Variants in GRIP2 observed in about 807,000 individuals in gnomAD.
GRIP2 encodes the protein glutamate receptor-interacting protein 2.
Under a neutral mutation model 108.3 loss-of-function variants are expected in GRIP2, and 58 were observed. That is an observed-to-expected ratio of 0.54 (90% CI 0.43 to 0.67). The LOEUF is 0.67. Among genes scored for constraint, GRIP2 ranks in the 30% least tolerant of loss-of-function variants. The pLI, the probability that GRIP2 is intolerant of heterozygous loss-of-function variation, is 0.00. For synonymous variants in GRIP2, 586 were observed against 598.2 expected (o/e 0.98, Z 0.30); for missense variants, 1,278 against 1,430.6 (o/e 0.89, Z 1.72).
At chr3:14,547,808 G>A (rs929598354) in intron 1 of GRIP2, among the ~76,000 whole-genome samples, 5 of 152,192 alleles carry the variant, frequency 3.3e-5, no homozygotes, top group Non-Finnish European at 7.3e-5. Context: ...CCAGGAAAAA[G>A]CAGCATTAAG....
chr3:14,541,531 A>G (rs1694970194), upstream of GRIP2, among the ~76,000 whole-genome samples: 1 of 152,192 alleles, frequency 6.6e-6, no homozygotes, highest in Non-Finnish European at 1.5e-5. Flanking sequence ...TTTAGCCACA[A>G]TTCCTGGGCC....
the GRIP2 span, chr3:14,573,641 A>T: frequency 6.7e-7 from 1 of 1,501,934 alleles, no homozygotes; most frequent in East Asian, 2.3e-5. Context: ...CTGTGATGAC[A>T]CAGTCCATGT....
At position 14,505,543 on chromosome 3, in the gene GRIP2, C is replaced by A; in HGVS notation, c.2573+72G>T. ...ACTCTCCATTCCCCCACCACTTTGG[C>A]ACAGGCACCCTCGCCCACCCCAGCC... On this transcript the variant is annotated intron_variant, in intron 20 of 23. Coordinates refer to ENST00000621039, the MANE Select transcript of GRIP2 (RefSeq NM_001080423.4). The surrounding 1 kb of genome is among the most constrained non-coding windows in gnomAD (Gnocchi z 4.2). The A allele has an allele frequency of 6.6e-7, 1 of 1,514,128 alleles. No homozygotes were observed. The highest frequency in any genetic ancestry group is 1.2e-5 in the South Asian group (1 of 80,228). The allele number at this position is 1,514,128 out of a possible 1,614,324, so 93.8% of individuals were successfully genotyped here. A position where few individuals can be genotyped will look rare whatever the true frequency, so the allele number is the denominator to read the frequency against.
chr3:14,496,173 T>G (rs1387271752), intron 22 of GRIP2, among the ~76,000 whole-genome samples: 6 of 151,912 alleles, frequency 3.9e-5, no homozygotes, highest in African/African-American at 1.5e-4. Flanking sequence ...ATAAAATAAC[T>G]TAAGTGGGGG....
the GRIP2 span, among the ~76,000 whole-genome samples, chr3:14,580,237 A>G: frequency 2.0e-5 from 3 of 152,180 alleles, no homozygotes; most frequent in East Asian, 5.8e-4. Context: ...TGGCCCCAGA[A>G]GGTTCTCCTC....
At chr3:14,598,913 T>C in the GRIP2 span, among the ~76,000 whole-genome samples, 1 of 152,182 alleles carries the variant, frequency 6.6e-6, no homozygotes, top group Admixed American at 6.5e-5. Context: ...TCTCACTCTT[T>C]AGTGCCAGCT....
In GRIP2 at chr3:14,521,733, C is replaced by A. The variant is rs368876331; in HGVS notation, c.621G>T (p.Leu207=). The change falls in exon 7 of 24, where the codon CTG becomes CTT. Residue 207 remains leucine (L), a synonymous_variant. Coordinates refer to ENST00000621039, the MANE Select transcript of GRIP2 (RefSeq NM_001080423.4). This position sits in a 1 kb window ranked among gnomAD's most constrained non-coding sequence, Gnocchi z 5.1. The part of the protein sequence containing the change: ...DRLLSVDGIP[L]HGASHATALA... ...GGGCGGTGGCATGGCTGGCCCCGTG[C>A]AGCGGGATTCCATCGACACTGAGCA... The A allele has an allele frequency of 8.1e-6, 13 of 1,609,884 alleles. No individual in the cohort carries two copies. Among genetic ancestry groups the A allele is most frequent in the East Asian group, 2.2e-5 (1 of 44,658 alleles).
chr3:14,547,659 G>A lies in GRIP2; in HGVS notation c.55+8241C>T, dbSNP rs977456599. Among the ~76,000 whole-genome samples, 4 of 152,254 alleles carry A rather than the reference G, an allele frequency of 2.6e-5. No individual in the cohort carries two copies. The East Asian group carries it at 7.7e-4, about 29-fold the overall frequency. On this transcript the variant is annotated intron_variant, in intron 1 of 23. Transcript: ENST00000637182. ...GTGCTCAGAGCGCTCCTGGGTGAGG[G>A]GTCAGGCCTTGCTGTCTGTCCACCC...
At chr3:14,524,763 C>T (rs1352320158) in intron 3 of GRIP2, among the ~76,000 whole-genome samples, 1 of 152,206 alleles carries the variant, frequency 6.6e-6, no homozygotes, top group Admixed American at 6.5e-5. Flanking sequence ...CGCTGGTCTG[C>T]CTGCTTTTCC....
chr3:14,595,233 G>A, the GRIP2 span, among the ~76,000 whole-genome samples: 74 of 152,266 alleles, frequency 4.9e-4, no homozygotes, highest in Non-Finnish European at 9.8e-4. Flanking sequence ...TGTCTATGTT[G>A]CCCAGGCTGG....
At chr3:14,575,513 C>T in the GRIP2 span, among the ~76,000 whole-genome samples, 1 of 152,210 alleles carries the variant, frequency 6.6e-6, no homozygotes, top group Admixed American at 6.5e-5. Flanking sequence ...GCATAGCAGC[C>T]GGTCCACAGG....
chr3:14,548,615 T>C lies in GRIP2; in HGVS notation c.55+7285A>G, dbSNP rs57834118. 1.5e-3 allele frequency among the ~76,000 whole-genome samples: 223 copies of C among 152,316 alleles called. 2 individuals carry two copies. The East Asian group carries it at 0.026, about 18-fold the overall frequency. ...CCACCACCCACCCATGGATCAAGCATGACCCTCCGTCCAAACGCAAACGCC... is the reference window on the plus strand; with the variant it reads ...CCACCACCCACCCATGGATCAAGCACGACCCTCCGTCCAAACGCAAACGCC... On this transcript the variant is annotated intron_variant, in intron 1 of 23. Transcript: ENST00000637182.
Position 14,505,981 on chromosome 3 carries a change from T to C in GRIP2, c.2399-192A>G, listed in dbSNP as rs1379885832. On this transcript the variant is annotated intron_variant, in intron 19 of 23. Transcript: ENST00000621039. This position sits in a 1 kb window ranked among gnomAD's most constrained non-coding sequence, Gnocchi z 4.2. Reference sequence around the variant, plus strand: ...TCCTGGTCATCCAGAAGTTAATGCCTGGGGCTCTGCGACTCTGTCTCAACT... The same window carrying C: ...TCCTGGTCATCCAGAAGTTAATGCCCGGGGCTCTGCGACTCTGTCTCAACT... Among the ~76,000 whole-genome samples, 2 of 152,278 alleles carry C rather than the reference T, an allele frequency of 1.3e-5. No individual in the cohort carries two copies. The highest frequency in any genetic ancestry group is 4.8e-5 in the African/African-American group (2 of 41,542).
chr3:14,581,964 G>A, the GRIP2 span, among the ~76,000 whole-genome samples: 1 of 152,170 alleles, frequency 6.6e-6, no homozygotes, highest in Non-Finnish European at 1.5e-5. Flanking sequence ...GGGCAACAGA[G>A]GAAAGACTTG....
upstream of GRIP2, among the ~76,000 whole-genome samples, chr3:14,558,347 T>G (rs1695267650): frequency 6.6e-6 from 1 of 152,162 alleles, no homozygotes; most frequent in African/African-American, 2.4e-5. Flanking sequence ...CTGGCTGGCT[T>G]AGCCCAGGGA....
At chr3:14,541,861 G>T, upstream of GRIP2, 1 of 1,319,668 alleles carries the variant, frequency 7.6e-7, no homozygotes, top group African/African-American at 1.5e-5. Context: ...GCAGGGACGG[G>T]GGTACACGCA....
intron 11 of GRIP2, 23 bp downstream of exon 11, chr3:14,517,041 G>A: frequency 6.7e-7 from 1 of 1,503,380 alleles, no homozygotes; most frequent in East Asian, 2.5e-5. Flanking sequence ...AGCCCAAGGA[G>A]GAGGGAAGAG....
At chr3:14,574,337 C>CACCG in the GRIP2 span, 1 of 1,029,458 alleles carries the variant, frequency 9.7e-7, no homozygotes, top group South Asian at 1.3e-5. Flanking sequence ...AGAGTTTGCG[C>CACCG]ACCGGCACAG....
chr3:14,559,513 T>C (rs1259095455), upstream of GRIP2, among the ~76,000 whole-genome samples: 2 of 151,238 alleles, frequency 1.3e-5, no homozygotes, highest in Non-Finnish European at 2.9e-5. Flanking sequence ...CCCAGCATTA[T>C]GTTGGGCCCA....
Sources: allele counts gnomAD v4.1 joint callset (sites outside exome capture counted in the v4.1 genomes callset), GRCh38; gene constraint gnomAD v4.1.1; non-coding constraint Gnocchi (gnomAD v3.1); transcripts MANE v1.5; gene names NCBI Gene and HGNC (gene_info 2026-07-23, HGNC 2026-07-21).